Variants in MAPRE2 observed in about 807,000 individuals in gnomAD.
The protein encoded by MAPRE2 is microtubule associated protein RP/EB family member 2, also known as microtubule-associated protein RP/EB family member 2.
Under a neutral mutation model 43.2 loss-of-function variants are expected in MAPRE2, and 13 were observed. That is an observed-to-expected ratio of 0.30 (90% CI 0.20 to 0.48). MAPRE2 has a LOEUF of 0.48. Among genes scored for constraint, MAPRE2 ranks in the 20% least tolerant of loss-of-function variants. MAPRE2 has a pLI of 0.99. For synonymous variants in MAPRE2, 135 were observed against 148.8 expected, an observed-to-expected ratio of 0.91 and a Z score of 0.68; for missense variants, 161 against 400.2, an observed-to-expected ratio of 0.40 and a Z score of 5.10.
intron 3 of MAPRE2, among the ~76,000 whole-genome samples, chr18:35,101,514 T>C (rs759282386): frequency 6.6e-6 from 1 of 152,192 alleles, no homozygotes; most frequent in Non-Finnish European, 1.5e-5. Flanking sequence ...TTCTAACTTT[T>C]TTGTACCCAA....
chr18:35,043,077 A>C (rs1905447136), intron 1 of MAPRE2, among the ~76,000 whole-genome samples: 1 of 152,194 alleles, frequency 6.6e-6, no homozygotes, highest in Non-Finnish European at 1.5e-5. Context: ...TACAGATTTC[A>C]AGTGCTTGTT....
At chr18:35,122,544 A>G (rs1010003974) in intron 4 of MAPRE2, among the ~76,000 whole-genome samples, 1 of 152,242 alleles carries the variant, frequency 6.6e-6, no homozygotes, top group Non-Finnish European at 1.5e-5. Flanking sequence ...ATCAAATACT[A>G]GTTACCTAAG....
chr18:35,080,735 A>G (rs1007008022), intron 2 of MAPRE2, among the ~76,000 whole-genome samples: 3 of 152,216 alleles, frequency 2.0e-5, no homozygotes, highest in Admixed American at 2.0e-4. Context: ...ATGTTTGGGC[A>G]TGTTAGAATT....
chr18:35,084,664 C>T (rs1302838939), intron 2 of MAPRE2, among the ~76,000 whole-genome samples: 4 of 152,206 alleles, frequency 2.6e-5, no homozygotes, highest in Non-Finnish European at 5.9e-5. Context: ...CATAAGCCGC[C>T]TCTGTGTCTG....
intron 1 of MAPRE2, among the ~76,000 whole-genome samples, chr18:35,060,855 A>G (rs1374159834): frequency 1.3e-5 from 2 of 152,240 alleles, no homozygotes; most frequent in Non-Finnish European, 2.9e-5. Flanking sequence ...TTGATTTTCA[A>G]GGTGACTTAC....
intron 1 of MAPRE2, among the ~76,000 whole-genome samples, chr18:34,980,411 T>G (rs535049362): frequency 5.9e-4 from 90 of 152,256 alleles, no homozygotes; most frequent in African/African-American, 2.1e-3. Flanking sequence ...GAACCTCTCT[T>G]AGAGCATCTA....
At chr18:35,053,250 T>C (rs1231416196) in intron 1 of MAPRE2, among the ~76,000 whole-genome samples, 4 of 151,894 alleles carry the variant, frequency 2.6e-5, no homozygotes, top group African/African-American at 9.7e-5. Context: ...AAAAAATAGC[T>C]GGGAGTGGTG....
At chr18:35,105,060 AC>A (rs1908843231) in intron 4 of MAPRE2, among the ~76,000 whole-genome samples, 1 of 152,062 alleles carries the variant, frequency 6.6e-6, no homozygotes, top group Admixed American at 6.6e-5. Context: ...TAGCACTGTT[AC>A]TATGCTACCT....
intron 2 of MAPRE2, among the ~76,000 whole-genome samples, chr18:35,012,549 T>C (rs1159069165): frequency 6.6e-6 from 1 of 152,210 alleles, no homozygotes; most frequent in East Asian, 1.9e-4. Context: ...ATACATACAA[T>C]GGAATATTGT....
At chr18:34,996,335 T>C (rs1383209810) in intron 1 of MAPRE2, among the ~76,000 whole-genome samples, 1 of 152,106 alleles carries the variant, frequency 6.6e-6, no homozygotes, top group East Asian at 1.9e-4. Flanking sequence ...CATCAAGCAT[T>C]AGATTTTCAT....
intron 4 of MAPRE2, among the ~76,000 whole-genome samples, chr18:35,115,327 G>GTATGCTAGTACACT (rs757890667): frequency 7.2e-5 from 11 of 152,128 alleles, no homozygotes; most frequent in Non-Finnish European, 1.5e-4. Flanking sequence ...AACTTAGAAA[G>GTATGCTAGTACACT]TATGCTAGTA....
rs1313171001 is a variant in MAPRE2 at position 35,142,651 on chromosome 18, C to G, written c.*2282C>G. 1 of 152,214 alleles carries G rather than the reference C, an allele frequency of 6.6e-6. No individual in the cohort carries two copies. Among genetic ancestry groups the G allele is most frequent in the Non-Finnish European group, 1.5e-5 (1 of 68,062 alleles). 9.4% of individuals were successfully genotyped at this position (152,214 alleles called of 1,614,324 possible). ...TTCGTTTATTTAGAGAAGAGCTATA[C>G]ATTCTTCTTTCTGGTCCCATCTTAA... On this transcript the variant is annotated 3_prime_UTR_variant, in exon 7 of 7. Transcript: ENST00000300249.
At chr18:35,017,026 T>A (rs1050840126) in intron 2 of MAPRE2, among the ~76,000 whole-genome samples, 1 of 151,944 alleles carries the variant, frequency 6.6e-6, no homozygotes, top group Non-Finnish European at 1.5e-5. Flanking sequence ...TATGGCTAGC[T>A]AGCTATCTCA....
At chr18:35,131,761 G>C (rs576575022) in intron 5 of MAPRE2, among the ~76,000 whole-genome samples, 1 of 152,250 alleles carries the variant, frequency 6.6e-6, no homozygotes, top group Admixed American at 6.5e-5. Context: ...CCAGCCTGCG[G>C]GGAACCGCAC....
chr18:35,131,988 T>C, intron 5 of MAPRE2, 44 bp from the exon 6 acceptor site: 1 of 1,596,740 alleles, frequency 6.3e-7, no homozygotes, highest in Non-Finnish European at 8.5e-7. Context: ...TGTCTTATAC[T>C]ATATTTTGGG....
intron 2 of MAPRE2, among the ~76,000 whole-genome samples, chr18:35,081,538 G>A (rs903069708): frequency 1.3e-5 from 2 of 152,156 alleles, no homozygotes; most frequent in East Asian, 1.9e-4. Context: ...GGGAGCTGCC[G>A]GGGAAGGAGC....
intron 2 of MAPRE2, 88 bp downstream of exon 2, chr18:35,070,410 G>A: frequency 8.0e-7 from 1 of 1,250,290 alleles, no homozygotes; most frequent in Non-Finnish European, 1.1e-6. Flanking sequence ...GCTATATTTT[G>A]GGTAGGAAAA....
chr18:35,001,422 G>C (rs1194429590), intron 1 of MAPRE2, among the ~76,000 whole-genome samples: 3 of 151,718 alleles, frequency 2.0e-5, no homozygotes, highest in Admixed American at 6.6e-5. Flanking sequence ...GTTGAGGCAC[G>C]AGAATCGCTT....
intron 4 of MAPRE2, among the ~76,000 whole-genome samples, chr18:35,117,855 G>T (rs1428180586): frequency 6.6e-6 from 1 of 152,106 alleles, no homozygotes; most frequent in African/African-American, 2.4e-5. Flanking sequence ...GTAGTTTATT[G>T]AAAGAAATAG....
Sources: allele counts gnomAD v4.1 joint callset (sites outside exome capture counted in the v4.1 genomes callset), GRCh38; gene constraint gnomAD v4.1.1; transcripts MANE v1.5; gene names NCBI Gene and HGNC (gene_info 2026-07-23, HGNC 2026-07-21).